The following OXR1 variants were observed in gnomAD, a reference collection of about 807,000 sequenced individuals.
OXR1 encodes oxidation resistance 1.
In OXR1, 41 loss-of-function variants were observed where a neutral mutation model predicts 104.6. That is an observed-to-expected ratio of 0.39 (90% confidence interval 0.31 to 0.51). OXR1 has a LOEUF of 0.51. Ranked by LOEUF, OXR1 falls within the 20% of genes least tolerant of loss-of-function variation. The probability of loss-of-function intolerance (pLI) is 0.77; values close to 1 mark genes in which losing one functional copy is unlikely to be tolerated. For synonymous variants in OXR1, 348 were observed against 348.4 expected, an observed-to-expected ratio of 1.00 and a Z score of 0.01; for missense variants, 955 against 1,031.9, an observed-to-expected ratio of 0.93 and a Z score of 1.02.
At chr8:106,526,835 G>A (rs1372306298) in intron 3 of OXR1, among the ~76,000 whole-genome samples, 4 of 152,178 alleles carry the variant, frequency 2.6e-5, no homozygotes, top group South Asian at 4.1e-4. Flanking sequence ...GAGCCACCGC[G>A]CCATGTATAG....
chr8:106,593,738 G>A (rs191881018), intron 3 of OXR1, among the ~76,000 whole-genome samples: 9 of 152,102 alleles, frequency 5.9e-5, no homozygotes, highest in Admixed American at 2.6e-4. Flanking sequence ...ATCGCGCCAC[G>A]GCACTCCAGC....
chr8:106,421,192 C>A (rs886618773), intron 2 of OXR1, among the ~76,000 whole-genome samples: 3 of 152,022 alleles, frequency 2.0e-5, no homozygotes, highest in African/African-American at 7.2e-5. Flanking sequence ...GTCCCCCGGC[C>A]CCTACAACCC....
chr8:106,298,742 G>GA (rs33933805), intron 1 of OXR1, among the ~76,000 whole-genome samples: 1 of 147,660 alleles, frequency 6.8e-6, no homozygotes, highest in Non-Finnish European at 1.5e-5. Context: ...CTTTCTGGAG[G>GA]AAAAAAAACA....
Position 106,596,862 on chromosome 8 carries a change from G to A in OXR1, c.220+77723G>A, listed in dbSNP as rs10089106. ...GAGGTCAGGAAATCAAGACCATTGTGGCCAGCATGGTGAAACCCCGTCTCT... is the reference window on the plus strand; with the variant it reads ...GAGGTCAGGAAATCAAGACCATTGTAGCCAGCATGGTGAAACCCCGTCTCT... On this transcript the variant is annotated intron_variant, in intron 3 of 16. Coordinates refer to ENST00000517566, the MANE Select transcript of OXR1 (RefSeq NM_001198533.2). Among the ~76,000 whole-genome samples the A allele has an allele frequency of 7.8e-3, 1,191 of 152,126 alleles. 14 individuals are homozygous for A. The highest frequency in any genetic ancestry group is 0.027 in the African/African-American group (1,120 of 41,468).
chr8:106,616,440 T>A (rs1012312696), intron 3 of OXR1, among the ~76,000 whole-genome samples: 2 of 151,960 alleles, frequency 1.3e-5, no homozygotes, highest in Non-Finnish European at 2.9e-5. Context: ...ACAGCATTCA[T>A]AGGAAATACT....
At chr8:106,611,910 T>G (rs1265270422) in intron 3 of OXR1, among the ~76,000 whole-genome samples, 1 of 150,364 alleles carries the variant, frequency 6.7e-6, no homozygotes, top group Non-Finnish European at 1.5e-5. Flanking sequence ...TTTTAATTTC[T>G]ATACCTTTGT....
At chr8:106,431,027 T>G (rs1468415149) in intron 2 of OXR1, among the ~76,000 whole-genome samples, 1 of 152,148 alleles carries the variant, frequency 6.6e-6, no homozygotes, top group Non-Finnish European at 1.5e-5. Context: ...TAAGAAGCCT[T>G]TCAGTTTCTA....
chr8:106,353,708 C>T (rs1815836719), intron 1 of OXR1, among the ~76,000 whole-genome samples: 1 of 151,892 alleles, frequency 6.6e-6, no homozygotes, highest in African/African-American at 2.4e-5. Flanking sequence ...TGAACATGTC[C>T]ATTACCTCAC....
At position 106,583,215 on chromosome 8, in the gene OXR1, G is replaced by A. The variant is rs185085601; in HGVS notation, c.220+64076G>A. ...TATAGTCACTTGATTCCACTGACTC[G>A]TGACTCTAATGGGTTAAGTTCCCCA... On this transcript the variant is annotated intron_variant, in intron 3 of 16. Transcript: ENST00000517566. Among the ~76,000 whole-genome samples the A allele has an allele frequency of 3.3e-5, 5 of 152,106 alleles. No individual in the cohort carries two copies. The East Asian group carries it at 5.8e-4, about 18-fold the overall frequency.
chr8:106,668,197 T>G (rs939958174), intron 3 of OXR1, among the ~76,000 whole-genome samples: 1 of 152,208 alleles, frequency 6.6e-6, no homozygotes, highest in African/African-American at 2.4e-5. Flanking sequence ...TTGTTCTATA[T>G]TCTCTAGTAA....
chr8:106,617,159 A>G (rs1821307452), intron 3 of OXR1, among the ~76,000 whole-genome samples: 1 of 152,254 alleles, frequency 6.6e-6, no homozygotes, highest in African/African-American at 2.4e-5. Flanking sequence ...CTAAGGGCTC[A>G]TGCCTGTAAT....
intron 3 of OXR1, among the ~76,000 whole-genome samples, chr8:106,560,733 G>T (rs183125355): frequency 4.5e-4 from 68 of 152,288 alleles, no homozygotes; most frequent in Admixed American, 1.6e-3. Context: ...GTGTCGAATA[G>T]GAACACGTCT....
At chr8:106,711,704 C>A (rs889222114) in intron 10 of OXR1, among the ~76,000 whole-genome samples, 1 of 152,060 alleles carries the variant, frequency 6.6e-6, no homozygotes, top group Non-Finnish European at 1.5e-5. Flanking sequence ...GTAATCAGAA[C>A]ATCAGCAATT....
At chr8:106,471,082 A>G (rs1451169495) in intron 2 of OXR1, among the ~76,000 whole-genome samples, 1 of 151,716 alleles carries the variant, frequency 6.6e-6, no homozygotes, top group Non-Finnish European at 1.5e-5. Flanking sequence ...AGGCACAGAA[A>G]TGGGACTGTA....
chr8:106,360,674 A>G (rs1816205407), intron 2 of OXR1, among the ~76,000 whole-genome samples: 1 of 152,144 alleles, frequency 6.6e-6, no homozygotes, highest in Non-Finnish European at 1.5e-5. Context: ...GTATAATCAA[A>G]CAAATTTCAT....
intron 1 of OXR1, among the ~76,000 whole-genome samples, chr8:106,343,910 C>G (rs1375522250): frequency 6.6e-6 from 1 of 152,282 alleles, no homozygotes; most frequent in Admixed American, 6.5e-5. Flanking sequence ...CTAAGTTAGA[C>G]ACAGCAAATT....
Position 106,270,222 on chromosome 8 carries a change from C to A in OXR1, c.-284C>A. ...GGCGCCGGCAGCAGCGGGGCTAGAG[C>A]TGGGCTGCGTCAGGCTGAGCCCATT... On this transcript the variant is annotated 5_prime_UTR_variant, in exon 1 of 17. It adds an upstream start codon to the 5' untranslated region. Transcript: ENST00000517566. The A allele has an allele frequency of 6.6e-6, 1 of 152,270 alleles. No homozygotes were observed. The highest frequency in any genetic ancestry group is 1.5e-5 in the Non-Finnish European group (1 of 68,070). The allele number at this position is 152,270 out of a possible 1,614,324, so 9.4% of individuals were successfully genotyped here.
chr8:106,664,771 G>T (rs914861739), intron 3 of OXR1, among the ~76,000 whole-genome samples: 2 of 152,084 alleles, frequency 1.3e-5, no homozygotes, highest in African/African-American at 2.4e-5. Context: ...TTTTTCTCAG[G>T]AGGTTTACTT....
chr8:106,464,808 C>T lies in OXR1; in HGVS notation c.24-54135C>T, dbSNP rs370833140. Among the ~76,000 whole-genome samples, 15 of 152,106 alleles carry T rather than the reference C, an allele frequency of 9.9e-5. No homozygotes were observed. In the East Asian group the frequency reaches 1.4e-3, roughly 14 times the overall value. ...ACGAAGCATATCTCGGGCTTCATTA[C>T]GCAATAACCATGGACTGTCATCTCT... is the stretch of plus-strand genomic sequence containing the variant. On this transcript the variant is annotated intron_variant, in intron 2 of 16. Coordinates refer to ENST00000517566, the MANE Select transcript of OXR1 (RefSeq NM_001198533.2).
Sources: allele counts gnomAD v4.1 joint callset (sites outside exome capture counted in the v4.1 genomes callset), GRCh38; gene constraint gnomAD v4.1.1; transcripts MANE v1.5; gene names NCBI Gene and HGNC (gene_info 2026-07-23, HGNC 2026-07-21).